Variants in RPH3A observed in about 807,000 individuals in gnomAD.
The protein encoded by RPH3A is rabphilin-3A.
A neutral mutation model predicts 102.2 loss-of-function variants in RPH3A; 48 were observed. That is an observed-to-expected ratio of 0.47 (90% CI 0.37 to 0.60). RPH3A has a LOEUF of 0.60. RPH3A is among the 20% of genes least tolerant of loss of function. RPH3A has a pLI of 0.00. For missense variants in RPH3A, 781 were observed against 910.1 expected, an observed-to-expected ratio of 0.86 and a Z score of 1.83; for synonymous variants, 310 against 324.3, an observed-to-expected ratio of 0.96 and a Z score of 0.47.
chr12:112,741,778 G>A (rs771861454), intron 1 of RPH3A, among the ~76,000 whole-genome samples: 7 of 152,108 alleles, frequency 4.6e-5, no homozygotes, highest in Non-Finnish European at 7.4e-5. Context: ...CAGCACACAG[G>A]CCCCCCATGT....
chr12:112,669,453 T>C (rs2040112110), intron 1 of RPH3A, among the ~76,000 whole-genome samples: 1 of 152,238 alleles, frequency 6.6e-6, no homozygotes, highest in African/African-American at 2.4e-5. Context: ...CATCTGCTCA[T>C]TGTGGCCATG....
chr12:112,785,006 T>G (rs749325218), intron 1 of RPH3A, among the ~76,000 whole-genome samples: 158 of 152,284 alleles, frequency 1.0e-3, no homozygotes, highest in Non-Finnish European at 1.9e-3. Flanking sequence ...GTGGATCACC[T>G]GAGGTCGGGA....
At chr12:112,730,057 A>G (rs1320913580) in intron 1 of RPH3A, among the ~76,000 whole-genome samples, 1 of 152,184 alleles carries the variant, frequency 6.6e-6, no homozygotes, top group African/African-American at 2.4e-5. Flanking sequence ...ACATGAAGGC[A>G]GAGATTGGGG....
At chr12:112,746,038 A>T (rs1186075616) in intron 1 of RPH3A, among the ~76,000 whole-genome samples, 1 of 151,962 alleles carries the variant, frequency 6.6e-6, no homozygotes, top group Non-Finnish European at 1.5e-5. Context: ...GAGTGAATCC[A>T]GATGAGGTTA....
chr12:112,648,985 AT>A (rs1439971544), intron 1 of RPH3A, among the ~76,000 whole-genome samples: 2 of 152,022 alleles, frequency 1.3e-5, no homozygotes, highest in Admixed American at 1.3e-4. Context: ...CACCTGGCTA[AT>A]TTTTGTGTTT....
intron 1 of RPH3A, among the ~76,000 whole-genome samples, chr12:112,734,430 G>A (rs979178000): frequency 6.6e-6 from 1 of 152,174 alleles, no homozygotes; most frequent in South Asian, 2.1e-4. Flanking sequence ...ATTACGTGAC[G>A]TGTGACTGTA....
intron 7 of RPH3A, 74 bp downstream of exon 7, chr12:112,866,914 T>C (rs757223184): frequency 3.8e-5 from 46 of 1,199,606 alleles, no homozygotes; most frequent in Non-Finnish European, 5.4e-5. Context: ...CCTTAAGAGG[T>C]TTGTATGAAA....
chr12:112,868,241 A>T, intron 7 of RPH3A, 189 bp from the exon 8 acceptor site: 1 of 547,332 alleles, frequency 1.8e-6, no homozygotes, highest in Non-Finnish European at 3.1e-6. Flanking sequence ...AGCCCTTTCT[A>T]CTGAGTTTTC....
intron 2 of RPH3A, among the ~76,000 whole-genome samples, chr12:112,814,570 C>T (rs569730928): frequency 6.6e-6 from 1 of 152,262 alleles, no homozygotes; most frequent in Non-Finnish European, 1.5e-5. Flanking sequence ...CCAGGTCTGG[C>T]TGGGTGGCCA....
At chr12:112,876,950 C>A (rs751097539) in intron 13 of RPH3A, 84 bp downstream of exon 13, 2 of 948,048 alleles carry the variant, frequency 2.1e-6, no homozygotes, top group Non-Finnish European at 3.1e-6. Context: ...TCAGGAACAG[C>A]CCTGTCTATC....
chr12:112,783,617 T>A (rs1364093325), intron 1 of RPH3A, among the ~76,000 whole-genome samples: 2 of 152,214 alleles, frequency 1.3e-5, no homozygotes, highest in Non-Finnish European at 2.9e-5. Context: ...ACCTACTATG[T>A]GCCAAGCCCT....
At chr12:112,790,527 G>A (rs1265583876), upstream of RPH3A, among the ~76,000 whole-genome samples, 1 of 152,156 alleles carries the variant, frequency 6.6e-6, no homozygotes, top group Non-Finnish European at 1.5e-5. Flanking sequence ...CCTTCACTTT[G>A]CAGAGAAGTT....
At chr12:112,748,221 T>C (rs1487485334) in intron 1 of RPH3A, among the ~76,000 whole-genome samples, 1 of 152,212 alleles carries the variant, frequency 6.6e-6, no homozygotes, top group Non-Finnish European at 1.5e-5. Flanking sequence ...TAGTGCCTGA[T>C]GCACAGCCTG....
chr12:112,617,008 C>T (rs1403623807), intron 1 of RPH3A, among the ~76,000 whole-genome samples: 2 of 152,204 alleles, frequency 1.3e-5, no homozygotes, highest in African/African-American at 4.8e-5. Context: ...CCATCCTCAC[C>T]TCTGGCTGAG....
At chr12:112,851,944 A>G (rs1284716490) in intron 5 of RPH3A, among the ~76,000 whole-genome samples, 1 of 152,240 alleles carries the variant, frequency 6.6e-6, no homozygotes, top group Non-Finnish European at 1.5e-5. Flanking sequence ...CTATTGCAAT[A>G]TAACAAACCA....
intron 2 of RPH3A, among the ~76,000 whole-genome samples, chr12:112,800,969 GT>G (rs2136103819): frequency 6.6e-6 from 1 of 152,314 alleles, no homozygotes; most frequent in Non-Finnish European, 1.5e-5. Flanking sequence ...AGGCAGCAGC[GT>G]GGGTTTTTTG....
At chr12:112,599,362 G>A (rs759764427) in intron 1 of RPH3A, among the ~76,000 whole-genome samples, 4 of 152,104 alleles carry the variant, frequency 2.6e-5, no homozygotes, top group Admixed American at 2.0e-4. Context: ...ATTAATACAT[G>A]TTTCATCTCA....
intron 1 of RPH3A, among the ~76,000 whole-genome samples, chr12:112,742,584 C>T (rs1054852786): frequency 4.6e-5 from 7 of 152,228 alleles, no homozygotes; most frequent in South Asian, 2.1e-4. Context: ...GGGCTGTTTT[C>T]GAAACAATGA....
In RPH3A at chr12:112,898,267, T is replaced by A. The variant is rs536948403; in HGVS notation, c.*1487T>A. On this transcript the variant is annotated 3_prime_UTR_variant, in exon 22 of 22. Transcript: ENST00000389385. Reference sequence around the variant, plus strand: ...GGCAATGTGGGCAAACATTACAAATTTGAGGTTGAAGTCAGGCAATCTTCA... The same window carrying A: ...GGCAATGTGGGCAAACATTACAAATATGAGGTTGAAGTCAGGCAATCTTCA... 1 of 152,330 alleles carries A rather than the reference T, an allele frequency of 6.6e-6. No homozygotes were observed. Among genetic ancestry groups the A allele is most frequent in the South Asian group, 2.1e-4 (1 of 4,820 alleles). The allele number at this position is 152,330 out of a possible 1,614,324, so 9.4% of individuals were successfully genotyped here.
Sources: gnomAD v4.1 joint callset for allele counts (sites outside exome capture counted in the v4.1 genomes callset) on GRCh38, gnomAD v4.1.1 for gene constraint, MANE v1.5 for transcripts, NCBI Gene and HGNC (gene_info 2026-07-23, HGNC 2026-07-21) for gene names.